RPL3L: variants seen among roughly 807,000 people sequenced by gnomAD.
The protein encoded by RPL3L is ribosomal protein uL3-like.
In RPL3L, 44 loss-of-function variants were observed where a neutral mutation model predicts 44.5. The ratio of observed to expected loss-of-function variants is 0.99; its 90% CI spans 0.78 to 1.27. The LOEUF is 1.27. Among genes scored for constraint, RPL3L ranks in the 50% most tolerant of loss-of-function variants. The pLI is 0.00. For synonymous variants in RPL3L, 292 were observed against 230.7 expected, an observed-to-expected ratio of 1.27 and a Z score of -2.41; for missense variants, 631 against 569.1, an observed-to-expected ratio of 1.11 and a Z score of -1.11.
intron 9 of RPL3L, 111 bp from the exon 10 acceptor site, chr16:1,945,004 T>C: frequency 7.4e-7 from 1 of 1,345,222 alleles, no homozygotes. Context: ...CCCCTAAGGC[T>C]GCTTCCTCCC....
At chr16:1,945,991 G>A in intron 7 of RPL3L, 61 bp from the exon 8 acceptor site, 1 of 1,452,376 alleles carries the variant, frequency 6.9e-7, no homozygotes, top group Non-Finnish European at 9.4e-7. Flanking sequence ...GTGGGTGGCT[G>A]GGGGCCCTAG....
Position 1,945,849 on chromosome 16 carries a change from T to C in RPL3L, c.1033A>G (p.Ile345Val), listed in dbSNP as rs771369362. The C allele has an allele frequency of 2.5e-5, 41 of 1,613,884 alleles. No homozygotes were observed. The highest frequency in any genetic ancestry group is 3.2e-5 in the Non-Finnish European group (38 of 1,180,012). The change falls in exon 8 of 10, where the codon ATT (isoleucine) becomes GTT (valine). Residue 345 changes from isoleucine to valine, a missense_variant. Physicochemically the swap from Ile to Val is conservative, Grantham distance 29. Coordinates refer to ENST00000268661, the MANE Select transcript of RPL3L (RefSeq NM_005061.3). Reference protein sequence around the residue: ...GCIAGTKKRVITLRKSLLVHH... With the variant: ...GCIAGTKKRVVTLRKSLLVHH... ...GCACTGCCAACCTTTCTCAGCGTAA[T>C]GACCCGCTTCTTGGTACCAGCAATA...
intron 7 of RPL3L, 85 bp from the exon 8 acceptor site, chr16:1,946,015 G>T: frequency 8.3e-7 from 1 of 1,206,262 alleles, no homozygotes; most frequent in South Asian, 1.4e-5. Context: ...AACCCCCAGA[G>T]GGGGCAGTGA....
Position 1,944,973 on chromosome 16 carries a change from C to T in RPL3L, c.1168-80G>A. 6.3e-6 allele frequency: 10 copies of T among 1,585,944 alleles called. No homozygotes were observed. The Middle Eastern group carries it at 6.8e-4, about 108-fold the overall frequency. On this transcript the variant is annotated intron_variant, in intron 9 of 9. Transcript: ENST00000268661. Reference sequence around the variant, plus strand: ...CCTCCCCCAGCCAGGCTCTAGATCACTCAGGGCCGGCCCTACTGCCCCCCT... The same window carrying T: ...CCTCCCCCAGCCAGGCTCTAGATCATTCAGGGCCGGCCCTACTGCCCCCCT...
In RPL3L at chr16:1,947,297, G is replaced by C. The variant is rs1022541628; in HGVS notation, c.585C>G (p.Ala195=). Residue 195 remains alanine, a synonymous_variant, in exon 5 of 10, where the codon GCC becomes GCG. Transcript: ENST00000268661. ...GCTTCTCCAGCCGGGCCTGGGCCCA[G>C]GCCACCTTCTCGGCCACCGTGCCAC... ...LNGGTVAEKV[A]WAQARLEKQV... is the part of the protein sequence containing the mutation. 1.2e-6 allele frequency: 2 copies of C among 1,612,960 alleles called. No individual in the cohort carries two copies. Among genetic ancestry groups the C allele is most frequent in the Non-Finnish European group, 1.7e-6 (2 of 1,179,782 alleles).
In RPL3L at chr16:1,946,955, T is replaced by C; in HGVS notation, c.832A>G (p.Thr278Ala). The change falls in exon 6 of 10, where the codon ACG becomes GCG. Residue 278 changes from threonine to alanine, a missense_variant. Transcript: ENST00000268661. ...RAGQKGYHHR[T>A]ELNKKIFRIG... ...GGACGCACCTTCTTGTTGAGCTCCG[T>C]GCGGTGGTGATAGCCCTTCTGCCCG... 7.5e-6 allele frequency: 12 copies of C among 1,607,100 alleles called. No homozygotes were observed. The highest frequency in any genetic ancestry group is 1.1e-5 in the South Asian group (1 of 90,882).
Position 1,949,975 on chromosome 16 carries a change from GGGGCAGGTATGGACA to G in RPL3L, c.501+854_501+868del, listed in dbSNP as rs1315939821. On this transcript the variant is annotated intron_variant, in intron 4 of 9. Coordinates refer to ENST00000268661, the MANE Select transcript of RPL3L (RefSeq NM_005061.3). ...AGGTATGTAAGGGGCAGGTATGGACGGGGCAGGTATGGACAGGGCAGGTATGTAGGGGGCAGGTAT... is the reference window on the plus strand; with the variant it reads ...AGGTATGTAAGGGGCAGGTATGGACGGGGCAGGTATGTAGGGGGCAGGTAT... Among the ~76,000 whole-genome samples, 531 of 130,974 alleles carry G rather than the reference GGGGCAGGTATGGACA, an allele frequency of 4.1e-3. 8 individuals are homozygous for G. Among genetic ancestry groups the G allele is most frequent in the South Asian group, 9.7e-3 (36 of 3,698 alleles). The allele number at this position is 130,974 out of a possible 152,430, so 85.9% of individuals were successfully genotyped here. A position where few individuals can be genotyped will look rare whatever the true frequency, so the allele number is the denominator to read the frequency against.
At chr16:1,951,487 T>A (rs1470711456) in intron 3 of RPL3L, among the ~76,000 whole-genome samples, 1 of 151,908 alleles carries the variant, frequency 6.6e-6, no homozygotes, top group African/African-American at 2.4e-5. Context: ...ACTCAAGCAA[T>A]CCTCCCACCT....
intron 4 of RPL3L, among the ~76,000 whole-genome samples, chr16:1,948,700 G>GT (rs35729569): frequency 2.7e-4 from 39 of 144,296 alleles, no homozygotes; most frequent in South Asian, 8.9e-4. Context: ...ATGCCCAGTT[G>GT]TTTTTTTTTT....
Position 1,954,616 on chromosome 16 carries a change from T to C in RPL3L, c.3+13A>G. 1 of 1,278,828 alleles carries C rather than the reference T, an allele frequency of 7.8e-7. No individual in the cohort carries two copies. The highest frequency in any genetic ancestry group is 1.0e-6 in the Non-Finnish European group (1 of 956,730). 79.2% of individuals were successfully genotyped at this position (1,278,828 alleles called of 1,614,324 possible). On this transcript the variant is annotated intron_variant, in intron 1 of 9. Transcript: ENST00000268661. ...CTCCAACCCCAGCCCACCCTCACCC[T>C]GGTCCCACCAACCATGGTGGCCGAT...
chr16:1,951,126 G>T, intron 3 of RPL3L, 147 bp from the exon 4 acceptor site: 2 of 1,042,188 alleles, frequency 1.9e-6, no homozygotes, highest in Non-Finnish European at 2.7e-6. Flanking sequence ...GCTGGTTCCA[G>T]CCACCATCTT....
chr16:1,948,703 T>G (rs527404226), intron 4 of RPL3L, among the ~76,000 whole-genome samples: 26 of 150,834 alleles, frequency 1.7e-4, no homozygotes, highest in Non-Finnish European at 2.5e-4. Flanking sequence ...CCCAGTTGTT[T>G]TTTTTTTGTT....
At position 1,953,963 on chromosome 16, in the gene RPL3L, C is replaced by T. The variant is rs768323351; in HGVS notation, c.189G>A (p.Pro63=). The T allele has an allele frequency of 1.1e-5, 17 of 1,534,498 alleles. No homozygotes were observed. Among genetic ancestry groups the T allele is most frequent in the Middle Eastern group, 3.5e-4 (2 of 5,696 alleles). The part of the protein sequence containing the change: ...MTHTLREVHR[P]GLKISKREEV... ...GTCCCAACTGTGACTCACTGAGCCC[C>T]GGCCGGTGCACCTCCCGCAGGGTGT... The change falls in exon 2 of 10, where the codon CCG becomes CCA. Residue 63 remains proline (P), a synonymous_variant. Coordinates refer to ENST00000268661, the MANE Select transcript of RPL3L (RefSeq NM_005061.3).
At position 1,950,835 on chromosome 16, in the gene RPL3L, G is replaced by C; in HGVS notation, c.501+9C>G. The C allele has an allele frequency of 6.2e-7, 1 of 1,614,038 alleles. No homozygotes were observed. Among genetic ancestry groups the C allele is most frequent in the East Asian group, 2.2e-5 (1 of 44,888 alleles). ...GGGACTGACCGACAGCGGAGGGCCG[G>C]GGGCTGACCTGAGTGTGGACAATGA... On this transcript the variant is annotated intron_variant, in intron 4 of 9. Coordinates refer to ENST00000268661, the MANE Select transcript of RPL3L (RefSeq NM_005061.3).
Position 1,950,881 on chromosome 16 carries a change from T to A in RPL3L, c.464A>T (p.Lys155Met). The change falls in exon 4 of 10, where the codon AAG becomes ATG. Residue 155 changes from lysine to methionine, a missense_variant. Coordinates refer to ENST00000268661, the MANE Select transcript of RPL3L (RefSeq NM_005061.3). The stretch of plus-strand genomic sequence containing the variant: ...AATGACCCGAATGACCTTGCAGTAC[T>A]TCTTCATGGCGGCGAAGTCCTTCTG... ...QLQKDFAAMK[K>M]YCKVIRVIVH... 1.2e-6 allele frequency: 2 copies of A among 1,614,082 alleles called. No homozygotes were observed. The highest frequency in any genetic ancestry group is 1.7e-6 in the Non-Finnish European group (2 of 1,179,968).
chr16:1,947,144 A>G (rs1023199266), intron 5 of RPL3L, 46 bp from the exon 6 acceptor site: 3 of 1,613,016 alleles, frequency 1.9e-6, no homozygotes, highest in East Asian at 2.2e-5. Context: ...GCTGGTCCCC[A>G]CTGCCTCCAG....
chr16:1,953,307 C>A (rs186455966), intron 2 of RPL3L, among the ~76,000 whole-genome samples: 23 of 152,312 alleles, frequency 1.5e-4, no homozygotes, highest in Admixed American at 7.8e-4. Context: ...GCAGCCTTGA[C>A]TTCCCAAGCT....
intron 4 of RPL3L, 37 bp from the exon 5 acceptor site, chr16:1,947,417 G>A (rs751633551): frequency 3.5e-5 from 53 of 1,496,530 alleles, no homozygotes; most frequent in South Asian, 3.9e-5. Context: ...CACGGCCCAC[G>A]GGATCACACC....
chr16:1,947,205 C>T lies in RPL3L; in HGVS notation c.677G>A (p.Arg226Gln), dbSNP rs75401081. Residue 226 changes from arginine to glutamine, a missense_variant, in exon 5 of 10, where the codon CGA becomes CAA. Transcript: ENST00000268661. The part of the protein sequence containing the change: ...VIDVIAVTKG[R>Q]GVKGVTSRWH... The stretch of plus-strand genomic sequence containing the variant: ...TCACTGAGCCCTACCTTTGACGCCT[C>T]GACCCTTGGTGACAGCAATGACATC... 1.0e-3 allele frequency: 1,606 copies of T among 1,612,918 alleles called. 19 individuals are homozygous for T. The East Asian group carries it at 0.027, about 27-fold the overall frequency.
Sources: gnomAD v4.1 joint callset for allele counts (sites outside exome capture counted in the v4.1 genomes callset) on GRCh38, gnomAD v4.1.1 for gene constraint, MANE v1.5 for transcripts, NCBI Gene and HGNC (gene_info 2026-07-23, HGNC 2026-07-21) for gene names.